ZNF804B: variants seen among roughly 807,000 people sequenced by gnomAD.
ZNF804B encodes zinc finger 804B.
Under a neutral mutation model 101.4 loss-of-function variants are expected in ZNF804B, and 80 were observed. That is an observed-to-expected ratio of 0.79 (90% CI 0.66 to 0.95). ZNF804B has a LOEUF of 0.95. ZNF804B is among the 40% of genes least tolerant of loss of function. The pLI is 0.00. For synonymous variants in ZNF804B, 622 were observed against 558.8 expected, an observed-to-expected ratio of 1.11 and a Z score of -1.59; for missense variants, 1,673 against 1,561.9, an observed-to-expected ratio of 1.07 and a Z score of -1.20.
chr7:88,777,424 A>G (rs1790158764), intron 1 of ZNF804B, among the ~76,000 whole-genome samples: 1 of 152,244 alleles, frequency 6.6e-6, no homozygotes, highest in African/African-American at 2.4e-5. Context: ...TGGAATAGGT[A>G]CTTTACTGGC....
intron 1 of ZNF804B, among the ~76,000 whole-genome samples, chr7:89,171,177 A>C (rs1250873397): frequency 6.6e-6 from 1 of 152,206 alleles, no homozygotes; most frequent in Non-Finnish European, 1.5e-5. Flanking sequence ...ATGCAACAAC[A>C]GCAGTAATAA....
At chr7:88,912,435 G>T (rs1792562545) in intron 1 of ZNF804B, among the ~76,000 whole-genome samples, 1 of 152,050 alleles carries the variant, frequency 6.6e-6, no homozygotes, top group Admixed American at 6.6e-5. Context: ...TTTTAATTTA[G>T]ATGAAGTATA....
chr7:88,771,428 AGAACAGTATAGGCCCTG>A (rs1790060459), intron 1 of ZNF804B, among the ~76,000 whole-genome samples: 1 of 152,260 alleles, frequency 6.6e-6, no homozygotes, highest in South Asian at 2.1e-4. Context: ...ATGTGAACAG[AGAACAGTATAGGCCCTG>A]GAAGTTTTAT....
At chr7:88,920,637 G>A (rs1426125180) in intron 1 of ZNF804B, among the ~76,000 whole-genome samples, 3 of 151,828 alleles carry the variant, frequency 2.0e-5, no homozygotes, top group Admixed American at 6.6e-5. Context: ...AAGGGGTGTG[G>A]CATGGAATCA....
chr7:89,189,951 A>G (rs929585274), intron 1 of ZNF804B, among the ~76,000 whole-genome samples: 2 of 152,128 alleles, frequency 1.3e-5, no homozygotes, highest in Non-Finnish European at 1.5e-5. Flanking sequence ...AGGTAAATTG[A>G]ACACCTTCTC....
Position 89,143,695 on chromosome 7 carries a change from T to A in ZNF804B, c.109-74460T>A, listed in dbSNP as rs141527099. 3.7e-3 allele frequency among the ~76,000 whole-genome samples: 558 copies of A among 152,208 alleles called. 4 individuals carry two copies. The highest frequency in any genetic ancestry group is 0.013 in the African/African-American group (530 of 41,570). On this transcript the variant is annotated intron_variant, in intron 1 of 3. Transcript: ENST00000333190. ...TTGCTTTAGTTTTAGCAGAATTCAA[T>A]TTGTTCTGATAGGAACTCTCTTCAA...
chr7:89,283,479 A>C (rs189521311), intron 2 of ZNF804B, among the ~76,000 whole-genome samples: 47 of 152,276 alleles, frequency 3.1e-4, no homozygotes, highest in Non-Finnish European at 5.7e-4. Flanking sequence ...TGTGGACTAC[A>C]AATGAGCCAC....
intron 2 of ZNF804B, among the ~76,000 whole-genome samples, chr7:89,282,132 C>A (rs886606983): frequency 6.9e-6 from 1 of 144,640 alleles, no homozygotes; most frequent in South Asian, 2.2e-4. Flanking sequence ...ACCTGGGAGG[C>A]GGAGCTTGCA....
At chr7:88,910,737 A>G (rs988577749) in intron 1 of ZNF804B, among the ~76,000 whole-genome samples, 42 of 151,844 alleles carry the variant, frequency 2.8e-4, no homozygotes, top group African/African-American at 8.7e-4. Flanking sequence ...CTTCTGCTCA[A>G]TATTTATGGA....
chr7:89,187,398 G>T (rs2115602276), intron 1 of ZNF804B, among the ~76,000 whole-genome samples: 1 of 152,264 alleles, frequency 6.6e-6, no homozygotes, highest in South Asian at 2.1e-4. Flanking sequence ...TATCTTGAAT[G>T]AGTAGAAACT....
intron 1 of ZNF804B, among the ~76,000 whole-genome samples, chr7:89,141,873 G>T (rs111911445): frequency 7.9e-6 from 1 of 127,354 alleles, no homozygotes; most frequent in African/African-American, 3.1e-5. Context: ...AGAATTGAAA[G>T]ATAAAAAAAG....
chr7:89,171,374 TTCC>T, intron 1 of ZNF804B, among the ~76,000 whole-genome samples: 5 of 132,502 alleles, frequency 3.8e-5, no homozygotes, highest in Non-Finnish European at 3.3e-5. Flanking sequence ...CTTCCTCTTC[TTCC>T]TCTTCTTCCT....
chr7:89,007,864 G>T (rs1788394123), intron 1 of ZNF804B, among the ~76,000 whole-genome samples: 1 of 151,322 alleles, frequency 6.6e-6, no homozygotes, highest in African/African-American at 2.4e-5. Context: ...CCATTAAGTG[G>T]AAATAAGTTT....
chr7:89,002,557 T>C (rs1788305360), intron 1 of ZNF804B, among the ~76,000 whole-genome samples: 1 of 151,924 alleles, frequency 6.6e-6, no homozygotes, highest in Non-Finnish European at 1.5e-5. Context: ...ACAAAAGTTA[T>C]GTTATGAAAG....
Position 89,336,628 on chromosome 7 carries a change from C to T in ZNF804B, c.3646C>T (p.His1216Tyr), listed in dbSNP as rs780730263. The change falls in exon 4 of 4, where the codon CAT becomes TAT. Residue 1216 changes from histidine (H) to tyrosine (Y), a missense_variant. By Grantham distance (83) the His-to-Tyr change is moderately conservative. Transcript: ENST00000333190. ...ITTIHHTFLQ[H>Y]FAVSASLSSH... The stretch of plus-strand genomic sequence containing the variant: ...CACCATCCACCACACGTTCCTGCAG[C>T]ATTTTGCTGTTTCTGCTTCCTTAAG... The T allele has an allele frequency of 1.9e-5, 30 of 1,613,980 alleles. No individual in the cohort carries two copies. The highest frequency in any genetic ancestry group is 2.4e-5 in the Non-Finnish European group (28 of 1,179,978).
chr7:88,961,424 T>C (rs917199608), intron 1 of ZNF804B, among the ~76,000 whole-genome samples: 1 of 151,378 alleles, frequency 6.6e-6, no homozygotes, highest in African/African-American at 2.4e-5. Context: ...TAAATGAAGA[T>C]TGATTGCTGT....
intron 2 of ZNF804B, among the ~76,000 whole-genome samples, chr7:89,259,609 G>A (rs910920546): frequency 3.3e-5 from 5 of 152,078 alleles, no homozygotes; most frequent in Non-Finnish European, 1.5e-5. Flanking sequence ...GCGTCCTAAT[G>A]ACCCCCTGAT....
intron 2 of ZNF804B, among the ~76,000 whole-genome samples, chr7:89,285,327 CCTGA>C (rs1790167589): frequency 6.6e-6 from 1 of 151,144 alleles, no homozygotes; most frequent in African/African-American, 2.4e-5. Flanking sequence ...TCGAGACCAT[CCTGA>C]CTAACACGAT....
At chr7:89,220,047 A>ATATATATGTGTG (rs1562920295) in intron 2 of ZNF804B, among the ~76,000 whole-genome samples, 6 of 38,768 alleles carry the variant, frequency 1.5e-4, no homozygotes, top group African/African-American at 7.1e-4. Context: ...ATATATGTGC[A>ATATATATGTGTG]TATATACATA....
Sources: gnomAD v4.1 joint callset for allele counts (sites outside exome capture counted in the v4.1 genomes callset) on GRCh38, gnomAD v4.1.1 for gene constraint, MANE v1.5 for transcripts, NCBI Gene and HGNC (gene_info 2026-07-23, HGNC 2026-07-21) for gene names.